RARB: variants seen among roughly 807,000 people sequenced by gnomAD.
The protein encoded by RARB is retinoic acid receptor beta, also known as HBV-activated protein.
RARB carries 17 observed loss-of-function variants against 51.9 expected under a neutral mutation model. That is an observed-to-expected ratio of 0.33 (90% confidence interval 0.22 to 0.49). The LOEUF (loss-of-function observed/expected upper bound fraction) is 0.49, where lower values mean the gene tolerates loss of function less well. Among genes scored for constraint, RARB ranks in the 20% least tolerant of loss-of-function variants. RARB has a pLI of 0.99. For missense variants in RARB, 369 were observed against 550.8 expected (o/e 0.67, Z 3.30); for synonymous variants, 215 against 195.4 (o/e 1.10, Z -0.84).
At chr3:25,154,107 G>A (rs1190911947) in intron 4 of RARB, among the ~76,000 whole-genome samples, 2 of 152,150 alleles carry the variant, frequency 1.3e-5, no homozygotes, top group African/African-American at 2.4e-5. Context: ...TTTTTAAGAA[G>A]CCAGCTATGT....
chr3:25,339,411 C>A (rs751637856), intron 5 of RARB, among the ~76,000 whole-genome samples: 1 of 152,170 alleles, frequency 6.6e-6, no homozygotes, highest in Non-Finnish European at 1.5e-5. Flanking sequence ...CAATTCAACG[C>A]TTTCTGTACC....
rs144534198 is a variant in RARB at position 25,537,696 on chromosome 3, G to A, written c.449-32062G>A. Among the ~76,000 whole-genome samples, 300 of 152,252 alleles carry A rather than the reference G, an allele frequency of 2.0e-3. 2 individuals carry two copies. The highest frequency in any genetic ancestry group is 6.4e-3 in the African/African-American group (266 of 41,544). On this transcript the variant is annotated intron_variant, in intron 3 of 7. Transcript: ENST00000330688. Reference sequence around the variant, plus strand: ...GGGCCCAACTCTGAATCATGATGCCGTTTGATTTACGACTCTCTTCTTGAA... The same window carrying A: ...GGGCCCAACTCTGAATCATGATGCCATTTGATTTACGACTCTCTTCTTGAA...
intron 3 of RARB, among the ~76,000 whole-genome samples, chr3:25,071,450 T>C (rs978337670): frequency 6.6e-6 from 1 of 152,194 alleles, no homozygotes; most frequent in African/African-American, 2.4e-5. Context: ...TAACACTCAA[T>C]AATCCAAACG....
intron 2 of RARB, among the ~76,000 whole-genome samples, chr3:24,993,384 T>C (rs1182171552): frequency 6.6e-6 from 1 of 152,126 alleles, no homozygotes; most frequent in Non-Finnish European, 1.5e-5. Flanking sequence ...TATTGATAAT[T>C]GGCTATGGTT....
Position 24,880,714 on chromosome 3 carries a change from C to G in RARB, c.-380+21962C>G, listed in dbSNP as rs900671740. 9.9e-5 allele frequency among the ~76,000 whole-genome samples: 15 copies of G among 152,176 alleles called. No individual in the cohort carries two copies. In the Middle Eastern group the frequency reaches 0.017, roughly 173 times the overall value. On this transcript the variant is annotated intron_variant, in intron 2 of 11. Transcript: ENST00000383772. ...TATCTCAACAATTTGAATGCACAAG[C>G]AGATATGAAAATCCAAGGGTGTTCC...
chr3:24,965,928 G>A (rs577069085), intron 2 of RARB, among the ~76,000 whole-genome samples: 14 of 152,242 alleles, frequency 9.2e-5, no homozygotes, highest in East Asian at 5.8e-4. Context: ...GAAAAGTAAC[G>A]TGGTATTAGT....
At chr3:25,438,911 ACT>A (rs1337988277) in intron 1 of RARB, among the ~76,000 whole-genome samples, 2 of 151,776 alleles carry the variant, frequency 1.3e-5, no homozygotes, top group Non-Finnish European at 2.9e-5. Context: ...TGTGGAGGAA[ACT>A]CTGCCCAAAC....
rs374494769 is a variant in RARB at position 24,989,049 on chromosome 3, C to T, written c.-379-71076C>T. Among the ~76,000 whole-genome samples the T allele has an allele frequency of 7.2e-5, 11 of 152,234 alleles. No individual in the cohort carries two copies. In the South Asian group the frequency reaches 1.0e-3, roughly 14 times the overall value. On this transcript the variant is annotated intron_variant, in intron 2 of 11. Transcript: ENST00000383772. The stretch of plus-strand genomic sequence containing the variant: ...CCACGTTGGCCAGGCTGGTCTTGAA[C>T]TCCTGACCTTTGGTAATCTGCCTGT...
At chr3:25,184,549 G>T (rs1385310093) in intron 5 of RARB, among the ~76,000 whole-genome samples, 2 of 152,122 alleles carry the variant, frequency 1.3e-5, no homozygotes, top group African/African-American at 4.8e-5. Flanking sequence ...AAGATAGGAA[G>T]TTGAAAATGG....
chr3:25,190,375 G>A (rs1265471378), intron 5 of RARB, among the ~76,000 whole-genome samples: 1 of 151,948 alleles, frequency 6.6e-6, no homozygotes, highest in Non-Finnish European at 1.5e-5. Context: ...CTTCTTTTGT[G>A]TACTGATATG....
chr3:25,441,775 A>G (rs1350281323), intron 1 of RARB, among the ~76,000 whole-genome samples: 2 of 151,996 alleles, frequency 1.3e-5, no homozygotes, highest in Non-Finnish European at 2.9e-5. Flanking sequence ...CCTTTTGCAT[A>G]TGTTTGTTTT....
intron 1 of RARB, among the ~76,000 whole-genome samples, chr3:25,434,546 CT>C (rs71624605): frequency 8.9e-4 from 51 of 57,538 alleles, no homozygotes; most frequent in Non-Finnish European, 1.2e-3. Flanking sequence ...TTTTTTTTTT[CT>C]TTTTTTTTTT....
chr3:25,461,353 C>G lies in RARB; in HGVS notation c.306+12C>G, dbSNP rs747074187. ...GTGAGGGATGTAAGGTGAGTATTCA[C>G]ACTTCTGTGCCTGATGAACTCTCAT... On this transcript the variant is annotated intron_variant, in intron 2 of 7. Transcript: ENST00000330688. 6.2e-7 allele frequency: 1 copy of G among 1,611,376 alleles called. No homozygotes were observed. The highest frequency in any genetic ancestry group is 2.2e-5 in the East Asian group (1 of 44,832).
rs184445433 is a variant in RARB at position 25,473,208 on chromosome 3, G to A, written c.306+11867G>A. ...TTTTTGTTGTTGTTGTTGTTATTGA[G>A]TATTTTTCCACTTCAGAAAGGAAGA... is the stretch of plus-strand genomic sequence containing the variant. On this transcript the variant is annotated intron_variant, in intron 2 of 7. Coordinates refer to ENST00000330688, the MANE Select transcript of RARB (RefSeq NM_000965.5). Among the ~76,000 whole-genome samples the A allele has an allele frequency of 1.4e-4, 22 of 151,810 alleles. No homozygotes were observed. In the East Asian group the frequency reaches 4.3e-3, roughly 29 times the overall value.
intron 5 of RARB, among the ~76,000 whole-genome samples, chr3:25,248,530 A>C (rs1001934156): frequency 3.7e-4 from 56 of 152,008 alleles, no homozygotes; most frequent in African/African-American, 1.3e-3. Context: ...TGTTTGCTCT[A>C]CCAGTGTTTT....
At chr3:25,086,167 A>T (rs755611735) in intron 3 of RARB, among the ~76,000 whole-genome samples, 28 of 152,156 alleles carry the variant, frequency 1.8e-4, no homozygotes, top group Non-Finnish European at 3.2e-4. Flanking sequence ...ATATCCACTC[A>T]TATTCTGGTT....
intron 5 of RARB, among the ~76,000 whole-genome samples, chr3:25,354,638 A>T (rs1705676961): frequency 6.6e-6 from 1 of 152,114 alleles, no homozygotes; most frequent in African/African-American, 2.4e-5. Context: ...TCTTTTAGGC[A>T]CTCAACATAA....
intron 3 of RARB, among the ~76,000 whole-genome samples, chr3:25,095,480 C>T (rs983095304): frequency 3.9e-5 from 6 of 152,132 alleles, no homozygotes; most frequent in South Asian, 2.1e-4. Flanking sequence ...CAAGTGATTC[C>T]GATGCAAGCC....
At position 25,559,433 on chromosome 3, in the gene RARB, T is replaced by C. The variant is rs184632449; in HGVS notation, c.449-10325T>C. Among the ~76,000 whole-genome samples, 15 of 152,334 alleles carry C rather than the reference T, an allele frequency of 9.8e-5. No individual in the cohort carries two copies. In the East Asian group the frequency reaches 2.9e-3, roughly 29 times the overall value. On this transcript the variant is annotated intron_variant, in intron 3 of 7. Transcript: ENST00000330688. ...CATCTTACAACCTGTCCCTTAGGTT[T>C]TGAATTCATATTGCTTGAGTCTAAG... is the stretch of plus-strand genomic sequence containing the variant.
Sources: gnomAD v4.1 joint callset for allele counts (sites outside exome capture counted in the v4.1 genomes callset) on GRCh38, gnomAD v4.1.1 for gene constraint, MANE v1.5 for transcripts, NCBI Gene and HGNC (gene_info 2026-07-23, HGNC 2026-07-21) for gene names.